The following ARHGAP12 variants were observed in gnomAD, a reference collection of about 807,000 sequenced individuals.
ARHGAP12 encodes rho GTPase-activating protein 12.
Under a neutral mutation model 108.6 loss-of-function variants are expected in ARHGAP12, and 64 were observed. The ratio of observed to expected loss-of-function variants is 0.59; its 90% CI spans 0.48 to 0.73. The LOEUF is 0.73. Among genes scored for constraint, ARHGAP12 ranks in the 30% least tolerant of loss-of-function variants. The probability of loss-of-function intolerance (pLI) is 0.00; values close to 1 mark genes in which losing one functional copy is unlikely to be tolerated. For synonymous variants in ARHGAP12, 312 were observed against 337.2 expected (o/e 0.93, Z 0.82); for missense variants, 940 against 1,005.9 (o/e 0.93, Z 0.89).
At chr10:31,925,282 T>C (rs1446601831) in intron 1 of ARHGAP12, among the ~76,000 whole-genome samples, 2 of 152,200 alleles carry the variant, frequency 1.3e-5, no homozygotes, top group African/African-American at 4.8e-5. Context: ...TGATTAATAA[T>C]CTAGATCACT....
At chr10:31,871,924 G>A (rs1478094760) in intron 3 of ARHGAP12, among the ~76,000 whole-genome samples, 1 of 152,126 alleles carries the variant, frequency 6.6e-6, no homozygotes, top group Non-Finnish European at 1.5e-5. Flanking sequence ...TCAAGATAGA[G>A]CCCACATCTC....
intron 1 of ARHGAP12, among the ~76,000 whole-genome samples, chr10:31,920,251 G>C (rs1326211391): frequency 6.6e-6 from 1 of 151,814 alleles, no homozygotes; most frequent in Non-Finnish European, 1.5e-5. Context: ...GGCAGTTCCA[G>C]ACCAGCCTGA....
rs1839237692 is a variant in ARHGAP12 at position 31,908,711 on chromosome 10, C to T, written c.145G>A (p.Asp49Asn). Residue 49 changes from aspartate to asparagine, a missense_variant, in exon 3 of 20, where the codon GAC (aspartate) becomes AAC (asparagine). Asp to Asn is a conservative substitution (Grantham distance 23). Transcript: ENST00000344936. The stretch of plus-strand genomic sequence containing the variant: ...TCATCTGGCTTGACTTGCCACCAGT[C>T]ATCATTGGTCTTTTTCACCAAGATG... The part of the protein sequence containing the change: ...RYILVKKTND[D>N]WWQVKPDENS... The T allele has an allele frequency of 6.2e-7, 1 of 1,614,022 alleles. No individual in the cohort carries two copies. The highest frequency in any genetic ancestry group is 1.7e-5 in the Admixed American group (1 of 59,990).
intron 1 of ARHGAP12, among the ~76,000 whole-genome samples, chr10:31,919,354 T>C (rs993777861): frequency 1.1e-4 from 17 of 152,176 alleles, no homozygotes; most frequent in Admixed American, 7.9e-4. Flanking sequence ...AACTGTGCAC[T>C]CAAAAATGGT....
At chr10:31,928,174 G>GCACACA (rs60633813) in intron 1 of ARHGAP12, among the ~76,000 whole-genome samples, 76 of 149,406 alleles carry the variant, frequency 5.1e-4, no homozygotes, top group African/African-American at 1.4e-3. Flanking sequence ...GGCCTTTTGC[G>GCACACA]CACACACACA....
At chr10:31,851,400 AG>A (rs1214874107) in intron 6 of ARHGAP12, among the ~76,000 whole-genome samples, 1 of 152,150 alleles carries the variant, frequency 6.6e-6, no homozygotes, top group African/African-American at 2.4e-5. Flanking sequence ...AATTAATCAA[AG>A]GTACCAGTAT....
chr10:31,891,860 C>T (rs1282695080), intron 3 of ARHGAP12, among the ~76,000 whole-genome samples: 1 of 152,134 alleles, frequency 6.6e-6, no homozygotes, highest in Non-Finnish European at 1.5e-5. Flanking sequence ...CCTCTTCTTC[C>T]AGCTGATCGA....
At position 31,808,761 on chromosome 10, in the gene ARHGAP12, GATA is replaced by G; in HGVS notation, c.2264-13_2264-11del. On this transcript the variant is annotated splice_polypyrimidine_tract_variant and intron_variant, in intron 18 of 19. Coordinates refer to ENST00000344936, the MANE Select transcript of ARHGAP12 (RefSeq NM_018287.7). ...TGTCTTGGTTCTTGCTCTGAAAAAA[GATA>G]ATAACCAGATATTTTACAGCAAATT... The G allele has an allele frequency of 6.2e-7, 1 of 1,611,408 alleles. No individual in the cohort carries two copies. The highest frequency in any genetic ancestry group is 1.3e-5 in the African/African-American group (1 of 74,954).
intron 19 of ARHGAP12, 168 bp downstream of exon 19, chr10:31,808,481 T>G (rs1834900195): frequency 1.8e-6 from 1 of 564,334 alleles, no homozygotes. Context: ...GCAAATCATT[T>G]ACCCATGACA....
At chr10:31,926,340 A>G (rs1319417210) in intron 1 of ARHGAP12, among the ~76,000 whole-genome samples, 6 of 152,194 alleles carry the variant, frequency 3.9e-5, no homozygotes, top group African/African-American at 1.4e-4. Context: ...ACTGAAGAAA[A>G]AAAAAAAAAA....
At chr10:31,874,740 G>A (rs2799023) in intron 3 of ARHGAP12, among the ~76,000 whole-genome samples, 69,665 of 151,548 alleles carry the variant, frequency 0.46, 16,306 homozygotes, top group Middle Eastern at 0.51. Flanking sequence ...TTGGGCGGCC[G>A]AGGCGTGCGG....
chr10:31,843,004 A>G (rs533861065), intron 7 of ARHGAP12, among the ~76,000 whole-genome samples: 60 of 152,148 alleles, frequency 3.9e-4, no homozygotes, highest in Non-Finnish European at 7.9e-4. Flanking sequence ...TAGAATTCCA[A>G]TATTACCTGG....
intron 3 of ARHGAP12, among the ~76,000 whole-genome samples, chr10:31,874,538 G>T (rs1284975229): frequency 6.6e-6 from 1 of 152,020 alleles, no homozygotes; most frequent in Non-Finnish European, 1.5e-5. Flanking sequence ...AAAACAGAAA[G>T]AAAATTAAAA....
At chr10:31,904,795 T>C (rs1174470650) in intron 3 of ARHGAP12, among the ~76,000 whole-genome samples, 1 of 151,792 alleles carries the variant, frequency 6.6e-6, no homozygotes. Context: ...CCCATCTAAT[T>C]TTTGTATTTT....
chr10:31,880,671 T>C (rs1837912894), intron 3 of ARHGAP12, among the ~76,000 whole-genome samples: 1 of 152,116 alleles, frequency 6.6e-6, no homozygotes, highest in Non-Finnish European at 1.5e-5. Context: ...CCAGCAATTA[T>C]TAATAAGTTC....
chr10:31,903,213 T>C (rs1838998731), intron 3 of ARHGAP12, among the ~76,000 whole-genome samples: 1 of 152,230 alleles, frequency 6.6e-6, no homozygotes, highest in African/African-American at 2.4e-5. Flanking sequence ...TTAGATGGTA[T>C]AGCCTATTGC....
At chr10:31,828,197 A>G (rs1004640769) in intron 10 of ARHGAP12, among the ~76,000 whole-genome samples, 6 of 142,286 alleles carry the variant, frequency 4.2e-5, no homozygotes, top group African/African-American at 1.6e-4. Flanking sequence ...TTTACTTTCT[A>G]TACCTTTGAC....
At chr10:31,896,143 A>G (rs1294963690) in intron 3 of ARHGAP12, among the ~76,000 whole-genome samples, 1 of 152,098 alleles carries the variant, frequency 6.6e-6, no homozygotes, top group Non-Finnish European at 1.5e-5. Flanking sequence ...AACGTAAATG[A>G]CGAGTTAATG....
At chr10:31,824,988 C>T (rs1321188420) in intron 11 of ARHGAP12, among the ~76,000 whole-genome samples, 1 of 152,072 alleles carries the variant, frequency 6.6e-6, no homozygotes, top group Non-Finnish European at 1.5e-5. Context: ...TGTTTCACCT[C>T]GAGGAAAAGG....
Sources: gnomAD v4.1 joint callset for allele counts (sites outside exome capture counted in the v4.1 genomes callset) on GRCh38, gnomAD v4.1.1 for gene constraint, MANE v1.5 for transcripts, NCBI Gene and HGNC (gene_info 2026-07-23, HGNC 2026-07-21) for gene names.